The following BRIP1 variants were observed in gnomAD, a reference collection of about 807,000 sequenced individuals.
BRIP1 encodes BRCA1 interacting DNA helicase 1, also known as Fanconi anemia group J protein.
BRIP1 carries 88 observed loss-of-function variants against 119.7 expected under a neutral mutation model. The ratio of observed to expected loss-of-function variants is 0.74; its 90% CI spans 0.62 to 0.88. The LOEUF (loss-of-function observed/expected upper bound fraction) is 0.88. Among genes scored for constraint, BRIP1 ranks in the 40% least tolerant of loss-of-function variants. The pLI, the probability that BRIP1 is intolerant of heterozygous loss-of-function variation, is 0.00. For synonymous variants in BRIP1, 443 were observed against 496.5 expected (o/e 0.89, Z 1.43); for missense variants, 1,259 against 1,455.4 (o/e 0.87, Z 2.20).
At chr17:61,840,965 C>T (rs1038416319) in intron 6 of BRIP1, among the ~76,000 whole-genome samples, 5 of 151,998 alleles carry the variant, frequency 3.3e-5, no homozygotes, top group Admixed American at 6.6e-5. Flanking sequence ...GAACACATAT[C>T]GGGGAAAGGA....
Position 61,705,354 on chromosome 17 carries a change from G to A in BRIP1, c.2492+10597C>T, listed in dbSNP as rs980686608. On this transcript the variant is annotated intron_variant, in intron 17 of 19. Transcript: ENST00000259008. The surrounding 1 kb of genome is among the most constrained non-coding windows in gnomAD (Gnocchi z 5.0). ...TCTAGTCCACCGTTGATAGGTATTT[G>A]AGTTGCTTCTATGCCTTTGCTTTTG... Among the ~76,000 whole-genome samples, 4 of 152,092 alleles carry A rather than the reference G, an allele frequency of 2.6e-5. No homozygotes were observed. The highest frequency in any genetic ancestry group is 9.7e-5 in the African/African-American group (4 of 41,412).
chr17:61,688,750 C>T (rs1286515060), intron 18 of BRIP1, among the ~76,000 whole-genome samples: 1 of 145,612 alleles, frequency 6.9e-6, no homozygotes, highest in Non-Finnish European at 1.5e-5. Flanking sequence ...CAGAAACCAA[C>T]CCTTAAAAAA....
intron 4 of BRIP1, among the ~76,000 whole-genome samples, chr17:61,850,820 CTA>C (rs1567870104): frequency 6.6e-6 from 1 of 150,982 alleles, no homozygotes; most frequent in Non-Finnish European, 1.5e-5. Flanking sequence ...GAACAAGACT[CTA>C]TGTCTCCAAA....
rs1207175333 is a variant in BRIP1, at chr17:61,730,751, A to G, written c.2379+12262T>C. On this transcript the variant is annotated intron_variant, in intron 16 of 19. Transcript: ENST00000259008. This position sits in a 1 kb window ranked among gnomAD's most constrained non-coding sequence, Gnocchi z 4.3. ...AAGGAAATACAATGACATGAGTATT[A>G]GGAGAAAAAGGTTATCAACCGAACT... Among the ~76,000 whole-genome samples, 1 of 152,194 alleles carries G rather than the reference A, an allele frequency of 6.6e-6. No individual in the cohort carries two copies. Among genetic ancestry groups the G allele is most frequent in the Non-Finnish European group, 1.5e-5 (1 of 68,042 alleles).
chr17:61,847,012 T>A lies in BRIP1; in HGVS notation c.627+89A>T, dbSNP rs1325068250. On this transcript the variant is annotated intron_variant, in intron 6 of 19. Transcript: ENST00000259008. ...GAGTGGGTTGCTACTGTCCTTTGTA[T>A]TATACTATTGTTCCTCTTTTGTCAA... The A allele has an allele frequency of 9.2e-6, 14 of 1,523,458 alleles. No homozygotes were observed. The Admixed American group carries it at 1.2e-4, about 13-fold the overall frequency. The allele number at this position is 1,523,458 out of a possible 1,614,324, so 94.4% of individuals were successfully genotyped here.
At chr17:61,714,044 C>T (rs1009261205) in intron 17 of BRIP1, among the ~76,000 whole-genome samples, 6 of 152,008 alleles carry the variant, frequency 3.9e-5, no homozygotes, top group Non-Finnish European at 8.8e-5. Flanking sequence ...GGCACAGTGG[C>T]GTGTGCCTGG....
At chr17:61,763,734 G>A (rs1019435315) in intron 14 of BRIP1, among the ~76,000 whole-genome samples, 6 of 152,028 alleles carry the variant, frequency 3.9e-5, no homozygotes, top group Admixed American at 1.3e-4. Flanking sequence ...GGGAGAGTTC[G>A]CTTCTATAAT....
At chr17:61,712,595 T>C (rs1001823937) in intron 17 of BRIP1, among the ~76,000 whole-genome samples, 2 of 152,170 alleles carry the variant, frequency 1.3e-5, no homozygotes, top group Non-Finnish European at 2.9e-5. Flanking sequence ...AATTAAAATT[T>C]CATAGAGAAT....
In BRIP1 at chr17:61,827,808, A is replaced by G. The variant is rs1215460953; in HGVS notation, c.628-19051T>C. ...CTAATAAGCAGAAGAAAAGATGCTC[A>G]ACATCACTAATCATTAGGGAAATGC... is the stretch of plus-strand genomic sequence containing the variant. On this transcript the variant is annotated intron_variant, in intron 6 of 19. Transcript: ENST00000259008. This position sits in a 1 kb window ranked among gnomAD's most constrained non-coding sequence, Gnocchi z 5.8. 1.3e-5 allele frequency among the ~76,000 whole-genome samples: 2 copies of G among 152,226 alleles called. No individual in the cohort carries two copies. Among genetic ancestry groups the G allele is most frequent in the African/African-American group, 2.4e-5 (1 of 41,468 alleles).
At chr17:61,797,778 T>C (rs991809090) in intron 9 of BRIP1, among the ~76,000 whole-genome samples, 2 of 151,922 alleles carry the variant, frequency 1.3e-5, no homozygotes, top group African/African-American at 2.4e-5. Context: ...GACAGAGATG[T>C]CAACAGGCAG....
rs868681031 is a variant in BRIP1 at position 61,804,410 on chromosome 17, A to G, written c.919-2936T>C. On this transcript the variant is annotated intron_variant, in intron 7 of 19. Transcript: ENST00000259008. This position sits in a 1 kb window ranked among gnomAD's most constrained non-coding sequence, Gnocchi z 4.5. ...AAGACTTTGAGGCAGCTATATACAT[A>G]TGTGTGTGTGTGTGTGTGTGTGTGT... 4.5e-4 allele frequency among the ~76,000 whole-genome samples: 56 copies of G among 125,510 alleles called. No homozygotes were observed. Among genetic ancestry groups the G allele is most frequent in the East Asian group, 1.4e-3 (6 of 4,224 alleles). 82.3% of individuals were successfully genotyped at this position (125,510 alleles called of 152,430 possible). A position where few individuals can be genotyped will look rare whatever the true frequency, so the allele number is the denominator to read the frequency against.
In BRIP1 at chr17:61,853,651, C is replaced by A. The variant is rs1326495842; in HGVS notation, c.379+3407G>T. On this transcript the variant is annotated intron_variant, in intron 4 of 19. Transcript: ENST00000259008. This position sits in a 1 kb window ranked among gnomAD's most constrained non-coding sequence, Gnocchi z 4.3. The stretch of plus-strand genomic sequence containing the variant: ...AGGCAATGTAGTGGATAAAGGATAG[C>A]CTTTTCGATATATCCAGGTGCTGAA... Among the ~76,000 whole-genome samples, 1 of 152,038 alleles carries A rather than the reference C, an allele frequency of 6.6e-6. No homozygotes were observed. Among genetic ancestry groups the A allele is most frequent in the African/African-American group, 2.4e-5 (1 of 41,396 alleles).
rs1431024101 is a variant in BRIP1, at chr17:61,862,612, G to C, written c.-31+672C>G. 6.6e-6 allele frequency among the ~76,000 whole-genome samples: 1 copy of C among 152,106 alleles called. No individual in the cohort carries two copies. Among genetic ancestry groups the C allele is most frequent in the Non-Finnish European group, 1.5e-5 (1 of 68,014 alleles). ...TTTCTGTACATGATTGCATTTTTCT[G>C]AAGAAAAAGTCCATAGATTTCTCTT... On this transcript the variant is annotated intron_variant, in intron 1 of 19. Coordinates refer to ENST00000259008, the MANE Select transcript of BRIP1 (RefSeq NM_032043.3). This position sits in a 1 kb window ranked among gnomAD's most constrained non-coding sequence, Gnocchi z 5.3.
Position 61,725,147 on chromosome 17 carries a change from A to G in BRIP1, c.2380-9084T>C, listed in dbSNP as rs546160996. 5.8e-3 allele frequency among the ~76,000 whole-genome samples: 875 copies of G among 151,878 alleles called. 6 individuals carry two copies. The highest frequency in any genetic ancestry group is 0.02 in the African/African-American group (841 of 41,424). On this transcript the variant is annotated intron_variant, in intron 16 of 19. Transcript: ENST00000259008. The surrounding 1 kb of genome is among the most constrained non-coding windows in gnomAD (Gnocchi z 5.3). Reference sequence around the variant, plus strand: ...AGTGTGTGTGTGTGTGTGTGTGTGTATATACACTTTTTTTAAATGGGGAAA... The same window carrying G: ...AGTGTGTGTGTGTGTGTGTGTGTGTGTATACACTTTTTTTAAATGGGGAAA...
chr17:61,857,333 A>G lies in BRIP1; in HGVS notation c.206-102T>C, dbSNP rs1387288499. ...CAGGATTGGGAGGTTTCCTAAGATA[A>G]AAGATTTTTAGGGCTAACACCAGGA... On this transcript the variant is annotated intron_variant, in intron 3 of 19. Transcript: ENST00000259008. This position sits in a 1 kb window ranked among gnomAD's most constrained non-coding sequence, Gnocchi z 5.1. 8.9e-7 allele frequency: 1 copy of G among 1,125,600 alleles called. No individual in the cohort carries two copies. The highest frequency in any genetic ancestry group is 2.6e-5 in the East Asian group (1 of 38,400). The allele number at this position is 1,125,600 out of a possible 1,614,324, so 69.7% of individuals were successfully genotyped here.
Position 61,757,068 on chromosome 17 carries a change from A to G in BRIP1, c.2098-12477T>C, listed in dbSNP as rs972992431. ...AGGTACTCATATGTTTTAAATGTTT[A>G]CTTTCTTTTATTCAGTTGATATGTA... On this transcript the variant is annotated intron_variant, in intron 14 of 19. Coordinates refer to ENST00000259008, the MANE Select transcript of BRIP1 (RefSeq NM_032043.3). This position sits in a 1 kb window ranked among gnomAD's most constrained non-coding sequence, Gnocchi z 4.3. Among the ~76,000 whole-genome samples, 11 of 152,288 alleles carry G rather than the reference A, an allele frequency of 7.2e-5. No individual in the cohort carries two copies. Among genetic ancestry groups the G allele is most frequent in the Middle Eastern group, 3.4e-3 (1 of 294 alleles).
Position 61,685,591 on chromosome 17 carries a change from TG to T in BRIP1, c.2905+244del. The T allele has an allele frequency of 5.6e-6, 3 of 533,664 alleles. No individual in the cohort carries two copies. The South Asian group carries it at 8.4e-5, about 15-fold the overall frequency. 33.1% of individuals were successfully genotyped at this position (533,664 alleles called of 1,614,324 possible). The stretch of plus-strand genomic sequence containing the variant: ...TACGACTCAAAAAGGACAAATGACT[TG>T]CTCATGATCACAAAGCTAGTAAGTG... On this transcript the variant is annotated intron_variant, in intron 19 of 19. Coordinates refer to ENST00000259008, the MANE Select transcript of BRIP1 (RefSeq NM_032043.3).
chr17:61,807,140 T>A lies in BRIP1; in HGVS notation c.918+1327A>T, dbSNP rs1364322242. On this transcript the variant is annotated intron_variant, in intron 7 of 19. Transcript: ENST00000259008. The surrounding 1 kb of genome is among the most constrained non-coding windows in gnomAD (Gnocchi z 4.5). The stretch of plus-strand genomic sequence containing the variant: ...TCAAGCATTTGAGGAATTCAGCAGA[T>A]CACTTAGTCACTATGGAAAGCAGTC... 2.0e-5 allele frequency among the ~76,000 whole-genome samples: 3 copies of A among 152,236 alleles called. No individual in the cohort carries two copies. Among genetic ancestry groups the A allele is most frequent in the African/African-American group, 7.2e-5 (3 of 41,460 alleles).
rs2077753962 is a variant in BRIP1, at chr17:61,787,745, CG to C, written c.1474-3322del. Among the ~76,000 whole-genome samples, 3 of 151,974 alleles carry C rather than the reference CG, an allele frequency of 2.0e-5. No individual in the cohort carries two copies. In the South Asian group the frequency reaches 6.2e-4, roughly 31 times the overall value. On this transcript the variant is annotated intron_variant, in intron 10 of 19. Coordinates refer to ENST00000259008, the MANE Select transcript of BRIP1 (RefSeq NM_032043.3). ...CTGCAAGCTCCGCCTCCCAGGTTTGCGCCATTCTCCTGCCTCAGCCTCCTGA... is the reference window on the plus strand; with the variant it reads ...CTGCAAGCTCCGCCTCCCAGGTTTGCCCATTCTCCTGCCTCAGCCTCCTGA...
Sources: gnomAD v4.1 joint callset for allele counts (sites outside exome capture counted in the v4.1 genomes callset) on GRCh38, gnomAD v4.1.1 for gene constraint, Gnocchi (gnomAD v3.1) non-coding constraint, MANE v1.5 for transcripts, NCBI Gene and HGNC (gene_info 2026-07-23, HGNC 2026-07-21) for gene names.